DLGAP2: variants seen among roughly 807,000 people sequenced by gnomAD.
DLGAP2 encodes DLG associated protein 2.
In DLGAP2, 26 loss-of-function variants were observed where a neutral mutation model predicts 100.3. The ratio of observed to expected loss-of-function variants is 0.26; its 90% CI spans 0.19 to 0.36. The LOEUF (loss-of-function observed/expected upper bound fraction) is 0.36, where lower values mean the gene tolerates loss of function less well. DLGAP2 is among the 10% of genes least tolerant of loss of function. The pLI is 1.00. For missense variants in DLGAP2, 1,858 were observed against 1,453.2 expected, an observed-to-expected ratio of 1.28 and a Z score of -4.53; for synonymous variants, 886 against 630.1, an observed-to-expected ratio of 1.41 and a Z score of -6.08.
At chr8:1,554,846 T>C (rs535880725) in intron 5 of DLGAP2, among the ~76,000 whole-genome samples, 1 of 138,092 alleles carries the variant, frequency 7.2e-6, no homozygotes, top group Admixed American at 7.5e-5. Context: ...GCTTATGGGG[T>C]GCTTTCAACT....
At chr8:946,448 A>G (rs994172953) in intron 2 of DLGAP2, among the ~76,000 whole-genome samples, 1 of 151,724 alleles carries the variant, frequency 6.6e-6, no homozygotes, top group African/African-American at 2.4e-5. Context: ...TAGTTTTTGT[A>G]GAGACGGGGT....
In DLGAP2 at chr8:802,977, G is replaced by A. The variant is rs549611632; in HGVS notation, c.18+65152G>A. 1.8e-3 allele frequency among the ~76,000 whole-genome samples: 268 copies of A among 152,274 alleles called. 2 individuals are homozygous for A. The highest frequency in any genetic ancestry group is 1.7e-3 in the Non-Finnish European group (119 of 68,016). Reference sequence around the variant, plus strand: ...TCAAAAGAGGTAGAGAATGATTCCCGAAAAGGTAGGCATTTCTTGGGACCT... The same window carrying A: ...TCAAAAGAGGTAGAGAATGATTCCCAAAAAGGTAGGCATTTCTTGGGACCT... On this transcript the variant is annotated intron_variant, in intron 1 of 14. Coordinates refer to ENST00000637795, the MANE Select transcript of DLGAP2 (RefSeq NM_001346810.2).
At position 989,976 on chromosome 8, in the gene DLGAP2, C is replaced by T. The variant is rs139406828; in HGVS notation, c.73+82010C>T. Among the ~76,000 whole-genome samples, 738 of 152,168 alleles carry T rather than the reference C, an allele frequency of 4.8e-3. 6 individuals carry two copies. The highest frequency in any genetic ancestry group is 0.017 in the African/African-American group (688 of 41,496). On this transcript the variant is annotated intron_variant, in intron 2 of 14. Coordinates refer to ENST00000637795, the MANE Select transcript of DLGAP2 (RefSeq NM_001346810.2). ...GTTGGGTTCGATGAGCTCTGAGGAA[C>T]GTATTCCTCAGAAAGCCTCTCTTGC...
intron 3 of DLGAP2, among the ~76,000 whole-genome samples, chr8:1,309,880 A>T (rs1434601835): frequency 6.6e-6 from 1 of 152,172 alleles, no homozygotes; most frequent in Non-Finnish European, 1.5e-5. Context: ...AGATTTCTTG[A>T]GGTCAGGAGT....
chr8:947,088 G>T (rs1403191605), intron 2 of DLGAP2, among the ~76,000 whole-genome samples: 2 of 152,206 alleles, frequency 1.3e-5, no homozygotes, highest in Non-Finnish European at 2.9e-5. Context: ...GTTCCCTCTG[G>T]GATGGCATCC....
intron 8 of DLGAP2, among the ~76,000 whole-genome samples, chr8:1,654,386 G>A (rs1396920806): frequency 6.6e-6 from 1 of 152,178 alleles, no homozygotes; most frequent in Admixed American, 6.5e-5. Context: ...ACATGGCCGG[G>A]CATGGTGGCT....
intron 2 of DLGAP2, among the ~76,000 whole-genome samples, chr8:1,172,118 T>G (rs1168907879): frequency 6.6e-6 from 1 of 151,512 alleles, no homozygotes; most frequent in Non-Finnish European, 1.5e-5. Flanking sequence ...GTCTGTAAAG[T>G]ATTTTATTTC....
At chr8:1,638,610 G>C (rs910249924) in intron 8 of DLGAP2, among the ~76,000 whole-genome samples, 2 of 152,150 alleles carry the variant, frequency 1.3e-5, no homozygotes, top group African/African-American at 4.8e-5. Context: ...GCCGGGCTGT[G>C]CCAGGCACAG....
At chr8:1,333,831 G>A (rs1801212592) in intron 3 of DLGAP2, among the ~76,000 whole-genome samples, 1 of 152,248 alleles carries the variant, frequency 6.6e-6, no homozygotes, top group African/African-American at 2.4e-5. Flanking sequence ...ATCTAGCAGA[G>A]CAGGTGGAAC....
At chr8:1,389,594 C>A in intron 3 of DLGAP2, among the ~76,000 whole-genome samples, 1 of 152,108 alleles carries the variant, frequency 6.6e-6, no homozygotes, top group Non-Finnish European at 1.5e-5. Flanking sequence ...TTTATCCCAC[C>A]AGGCTCAGCA....
At position 1,459,455 on chromosome 8, in the gene DLGAP2, G is replaced by A. The variant is rs538137140; in HGVS notation, c.107-41911G>A. Among the ~76,000 whole-genome samples the A allele has an allele frequency of 2.0e-4, 30 of 152,320 alleles. No homozygotes were observed. The South Asian group carries it at 5.2e-3, about 26-fold the overall frequency. On this transcript the variant is annotated intron_variant, in intron 3 of 14. Transcript: ENST00000637795. ...TATCCATAATTAATATTGCAACTGA[G>A]GAATGCTTGAAAGATGTTCTATTCC...
intron 3 of DLGAP2, among the ~76,000 whole-genome samples, chr8:1,421,939 C>T (rs372567894): frequency 7.9e-5 from 12 of 152,010 alleles, no homozygotes; most frequent in Admixed American, 1.3e-4. Context: ...GCACTCTAGC[C>T]TGGGCGACAA....
chr8:1,000,171 C>G (rs904382411), intron 2 of DLGAP2, among the ~76,000 whole-genome samples: 4 of 142,574 alleles, frequency 2.8e-5, no homozygotes, highest in African/African-American at 5.2e-5. Flanking sequence ...CTAGAGCAGA[C>G]AGATCCGGGT....
chr8:1,170,768 T>G (rs1011244172), intron 2 of DLGAP2, among the ~76,000 whole-genome samples: 1 of 150,154 alleles, frequency 6.7e-6, no homozygotes, highest in Non-Finnish European at 1.5e-5. Context: ...TTTGATTCTT[T>G]TCTCTTTTTT....
intron 8 of DLGAP2, among the ~76,000 whole-genome samples, chr8:1,636,960 C>T (rs1399296114): frequency 6.6e-6 from 1 of 152,254 alleles, no homozygotes; most frequent in Non-Finnish European, 1.5e-5. Flanking sequence ...TTGGGACACA[C>T]AGGCACCACT....
intron 4 of DLGAP2, 70 bp downstream of exon 4, chr8:1,501,501 A>G (rs1799722552): frequency 1.4e-6 from 2 of 1,446,090 alleles, no homozygotes; most frequent in Middle Eastern, 2.1e-4. Context: ...GGCACCTCCC[A>G]TCATGCGGAC....
intron 2 of DLGAP2, among the ~76,000 whole-genome samples, chr8:1,046,416 C>G (rs1036184288): frequency 6.6e-6 from 1 of 152,106 alleles, no homozygotes; most frequent in African/African-American, 2.4e-5. Context: ...CCCCGGCTGC[C>G]GTGCATATAT....
chr8:925,962 T>C (rs1398270949), intron 2 of DLGAP2, among the ~76,000 whole-genome samples: 1 of 152,146 alleles, frequency 6.6e-6, no homozygotes, highest in East Asian at 1.9e-4. Flanking sequence ...GGATATGTCA[T>C]GGAGAATGAA....
At chr8:1,067,340 T>C (rs1292205064) in intron 2 of DLGAP2, among the ~76,000 whole-genome samples, 2 of 152,196 alleles carry the variant, frequency 1.3e-5, no homozygotes, top group Non-Finnish European at 2.9e-5. Context: ...TTCTGACCTG[T>C]TGGTGTTCCC....
Sources: gnomAD v4.1 joint callset for allele counts (sites outside exome capture counted in the v4.1 genomes callset) on GRCh38, gnomAD v4.1.1 for gene constraint, MANE v1.5 for transcripts, NCBI Gene and HGNC (gene_info 2026-07-23, HGNC 2026-07-21) for gene names.